Variants in CADM2 observed in about 807,000 individuals in gnomAD.
The protein encoded by CADM2 is immunoglobulin superfamily member 4D.
A neutral mutation model predicts 49.8 loss-of-function variants in CADM2; 12 were observed. The ratio of observed to expected loss-of-function variants is 0.24; its 90% CI spans 0.15 to 0.39. The LOEUF (loss-of-function observed/expected upper bound fraction) is 0.39, where lower values mean the gene tolerates loss of function less well. CADM2 is among the 10% of genes least tolerant of loss of function. The pLI, the probability that CADM2 is intolerant of heterozygous loss-of-function variation, is 1.00. For missense variants in CADM2, 378 were observed against 492.3 expected (o/e 0.77, Z 2.20); for synonymous variants, 214 against 175.4 (o/e 1.22, Z -1.74).
At chr3:85,103,501 G>T (rs918363724) in intron 1 of CADM2, among the ~76,000 whole-genome samples, 1 of 152,060 alleles carries the variant, frequency 6.6e-6, no homozygotes, top group Non-Finnish European at 1.5e-5. Flanking sequence ...ACAATACTAT[G>T]TATAAGAAAA....
chr3:85,048,102 G>C (rs2107392273), intron 1 of CADM2, among the ~76,000 whole-genome samples: 1 of 151,922 alleles, frequency 6.6e-6, no homozygotes, highest in Non-Finnish European at 1.5e-5. Flanking sequence ...CCAATTTATT[G>C]CACTAATAGT....
At chr3:85,848,239 A>T (rs924145945) in intron 3 of CADM2, among the ~76,000 whole-genome samples, 2 of 152,148 alleles carry the variant, frequency 1.3e-5, no homozygotes, top group Non-Finnish European at 2.9e-5. Context: ...GTATATTTTT[A>T]GTATATGCAC....
At chr3:85,073,725 C>A (rs750028137) in intron 1 of CADM2, among the ~76,000 whole-genome samples, 1 of 152,014 alleles carries the variant, frequency 6.6e-6, no homozygotes, top group Non-Finnish European at 1.5e-5. Context: ...ATGATCGTTT[C>A]AATACATAAT....
chr3:86,037,953 A>G (rs1354185658), intron 8 of CADM2, among the ~76,000 whole-genome samples: 1 of 152,078 alleles, frequency 6.6e-6, no homozygotes, highest in East Asian at 1.9e-4. Context: ...CCCTGCATAC[A>G]TTAGGTATTT....
At chr3:84,999,437 G>A (rs533625232) in intron 1 of CADM2, among the ~76,000 whole-genome samples, 2 of 152,212 alleles carry the variant, frequency 1.3e-5, no homozygotes, top group Admixed American at 1.3e-4. Flanking sequence ...ATCTAACACA[G>A]ATATTTTCTC....
chr3:85,814,546 C>T (rs1196441734), intron 3 of CADM2, among the ~76,000 whole-genome samples: 2 of 151,904 alleles, frequency 1.3e-5, no homozygotes, highest in Admixed American at 1.3e-4. Context: ...GAGATAGAGA[C>T]ACAAAAACCC....
chr3:85,512,461 A>G (rs2040664229), intron 1 of CADM2, among the ~76,000 whole-genome samples: 1 of 152,022 alleles, frequency 6.6e-6, no homozygotes, highest in Non-Finnish European at 1.5e-5. Flanking sequence ...TCAATGACCA[A>G]TATTCATTTT....
At chr3:84,970,843 A>G (rs1016120967) in intron 1 of CADM2, among the ~76,000 whole-genome samples, 147 of 151,994 alleles carry the variant, frequency 9.7e-4, no homozygotes, top group Non-Finnish European at 1.0e-4. Context: ...GCCCCTGCTC[A>G]TCAACTTTTC....
intron 6 of CADM2, among the ~76,000 whole-genome samples, chr3:85,935,234 C>G (rs564477023): frequency 6.6e-6 from 1 of 152,200 alleles, no homozygotes; most frequent in South Asian, 2.1e-4. Context: ...AACTGTACTT[C>G]TGTACTTCAG....
intron 1 of CADM2, among the ~76,000 whole-genome samples, chr3:85,364,195 G>A (rs928985014): frequency 6.6e-6 from 1 of 152,078 alleles, no homozygotes; most frequent in African/African-American, 2.4e-5. Context: ...TAAATGAATG[G>A]TTTTTAAGAG....
intron 2 of CADM2, among the ~76,000 whole-genome samples, chr3:85,743,386 G>A (rs916302007): frequency 6.6e-6 from 1 of 152,110 alleles, no homozygotes; most frequent in Non-Finnish European, 1.5e-5. Flanking sequence ...AAAAACATAA[G>A]GCAGATGATC....
chr3:85,338,724 T>C (rs1450636237), intron 1 of CADM2, among the ~76,000 whole-genome samples: 1 of 151,534 alleles, frequency 6.6e-6, no homozygotes, highest in Non-Finnish European at 1.5e-5. Flanking sequence ...CTAAGGTCTA[T>C]GTTCTTTTCA....
intron 3 of CADM2, among the ~76,000 whole-genome samples, chr3:85,864,852 A>G (rs1444559255): frequency 6.6e-6 from 1 of 152,190 alleles, no homozygotes; most frequent in Non-Finnish European, 1.5e-5. Context: ...CTTGGAAGCT[A>G]GAATTTTCTT....
intron 8 of CADM2, among the ~76,000 whole-genome samples, chr3:86,036,592 G>T (rs1429455270): frequency 6.6e-6 from 1 of 151,922 alleles, no homozygotes; most frequent in East Asian, 1.9e-4. Flanking sequence ...TCCAAATTTG[G>T]CATGGCTAAA....
At chr3:85,823,307 G>A (rs1176990100) in intron 3 of CADM2, among the ~76,000 whole-genome samples, 1 of 152,132 alleles carries the variant, frequency 6.6e-6, no homozygotes, top group East Asian at 1.9e-4. Context: ...CTGATATTTA[G>A]CTGATACTTC....
intron 3 of CADM2, among the ~76,000 whole-genome samples, chr3:85,870,284 C>A (rs931103500): frequency 7.3e-5 from 11 of 151,486 alleles, no homozygotes; most frequent in Admixed American, 7.3e-4. Context: ...GTTCAGGGTA[C>A]ATGTGCAGAT....
intron 3 of CADM2, among the ~76,000 whole-genome samples, chr3:85,851,456 T>C (rs1050252925): frequency 1.3e-5 from 2 of 151,988 alleles, no homozygotes; most frequent in African/African-American, 4.8e-5. Flanking sequence ...AATCTCCTCT[T>C]AGGAACCAGA....
At chr3:85,364,865 C>CCAA (rs1475167606) in intron 1 of CADM2, among the ~76,000 whole-genome samples, 2,274 of 89,036 alleles carry the variant, frequency 0.026, 54 homozygotes, top group African/African-American at 0.061. Context: ...TATGCTTGTT[C>CCAA]CTACAACAAC....
chr3:85,663,414 C>G (rs1277825604), intron 1 of CADM2, among the ~76,000 whole-genome samples: 1 of 151,954 alleles, frequency 6.6e-6, no homozygotes, highest in Non-Finnish European at 1.5e-5. Context: ...TCTTCACCTT[C>G]CACATATCTC....
Sources: gnomAD v4.1 joint callset for allele counts (sites outside exome capture counted in the v4.1 genomes callset) on GRCh38, gnomAD v4.1.1 for gene constraint, MANE v1.5 for transcripts, NCBI Gene and HGNC (gene_info 2026-07-23, HGNC 2026-07-21) for gene names.